The following LAS1L variants were observed in gnomAD, a reference collection of about 807,000 sequenced individuals.
The protein encoded by LAS1L is ribosomal biogenesis protein LAS1L.
In LAS1L, 5 loss-of-function variants were observed where a neutral mutation model predicts 57.3. The ratio of observed to expected loss-of-function variants is 0.09; its 90% CI spans 0.05 to 0.18. The LOEUF (loss-of-function observed/expected upper bound fraction) is 0.18, where lower values mean the gene tolerates loss of function less well. LAS1L is among the 10% of genes least tolerant of loss of function. The pLI, the probability that LAS1L is intolerant of heterozygous loss-of-function variation, is 1.00. For synonymous variants in LAS1L, 245 were observed against 231.7 expected (o/e 1.06, Z -0.52); for missense variants, 360 against 568.3 (o/e 0.63, Z 3.73).
At chrX:65,522,705 A>G (rs1172982904) in intron 11 of LAS1L, 6 of 111,996 alleles carry the variant, frequency 5.4e-5, no homozygotes, top group Admixed American at 1.9e-4. Context: ...ATGTCATGGG[A>G]TGCAAGGGTG....
chrX:65,521,418 G>A (rs1471285520), intron 11 of LAS1L: 7 of 252,225 alleles, frequency 2.8e-5, no homozygotes, highest in African/African-American at 6.0e-5. Context: ...GAAAAGCTTA[G>A]TCTGATAGAG....
chrX:65,518,117 ATCT>A lies in LAS1L; in HGVS notation c.1794_1796del (p.Glu598del). The A allele has an allele frequency of 8.4e-7, 1 of 1,192,441 alleles. No individual in the cohort carries two copies. The highest frequency in any genetic ancestry group is 1.1e-6 in the Non-Finnish European group (1 of 878,912). The stretch of plus-strand genomic sequence containing the variant: ...CCTCCATTCTGTCTTCCTCTTCATC[ATCT>A]TCATCATCTTCATCCTCCTCTTCCT... On this transcript the variant is annotated inframe_deletion, in exon 12 of 14. Coordinates refer to ENST00000374811, the MANE Select transcript of LAS1L (RefSeq NM_031206.7).
At chrX:65,517,796 G>C (rs1011276748) in intron 12 of LAS1L, among the ~76,000 whole-genome samples, 191 bp downstream of exon 12, 4 of 112,648 alleles carry the variant, frequency 3.6e-5, no homozygotes, top group Admixed American at 2.8e-4. Context: ...CCTGACAGTG[G>C]TCCCTGGCAC....
In LAS1L at chrX:65,517,884, T is replaced by C. The variant is rs1383190782; in HGVS notation, c.1927+103A>G. 5 of 1,093,460 alleles carry C rather than the reference T, an allele frequency of 4.6e-6. No individual in the cohort carries two copies. In the South Asian group the frequency reaches 7.4e-5, roughly 16 times the overall value. The allele number at this position is 1,093,460 out of a possible 1,213,427, so 90.1% of individuals were successfully genotyped here. A position where few individuals can be genotyped will look rare whatever the true frequency, so the allele number is the denominator to read the frequency against. On this transcript the variant is annotated intron_variant, in intron 12 of 13. Coordinates refer to ENST00000374811, the MANE Select transcript of LAS1L (RefSeq NM_031206.7). ...GGCTGCCTTCCAGGCTTGCCTCACA[T>C]TGGCTACCTCCTGCTACTTTCCATC... is the stretch of plus-strand genomic sequence containing the variant.
Position 65,517,731 on chromosome X carries a change from G to C in LAS1L, c.1927+256C>G, listed in dbSNP as rs761413750. Among the ~76,000 whole-genome samples, 7 of 112,341 alleles carry C rather than the reference G, an allele frequency of 6.2e-5. No homozygotes were observed. The South Asian group carries it at 2.2e-3, about 35-fold the overall frequency. The stretch of plus-strand genomic sequence containing the variant: ...CTTCTGCCTCTATGTTACTGCCCAG[G>C]GCTCACACCCATGTCATCCTCTCAG... On this transcript the variant is annotated intron_variant, in intron 12 of 13. Transcript: ENST00000374811.
chrX:65,518,960 T>C (rs1181257626), intron 11 of LAS1L: 2 of 751,720 alleles, frequency 2.7e-6, no homozygotes, highest in Admixed American at 8.7e-5. Context: ...GAACACAAAC[T>C]GTGATCCCTT....
In LAS1L at chrX:65,518,209, T is replaced by C. The variant is rs1006077682; in HGVS notation, c.1705A>G (p.Lys569Glu). ...GSVNDVKEEE[K>E]EEKEVLPDQV... Reference sequence around the variant, plus strand: ...TCTGGCAAGACCTCTTTCTCCTCCTTCTCCTCTTCCTTGACATCATTAACA... The same window carrying C: ...TCTGGCAAGACCTCTTTCTCCTCCTCCTCCTCTTCCTTGACATCATTAACA... Residue 569 changes from lysine to glutamate, a missense_variant, in exon 12 of 14, where the codon AAG becomes GAG. By Grantham distance (56) the Lys-to-Glu change is moderately conservative. Transcript: ENST00000374811. 1.7e-5 allele frequency: 20 copies of C among 1,209,564 alleles called. No homozygotes were observed. In the Admixed American group the frequency reaches 3.1e-4, roughly 18 times the overall value.
At chrX:65,523,798 T>TCCCCCCAGACTCCCCAC in intron 10 of LAS1L, 91 bp from the exon 11 acceptor site, 1 of 981,134 alleles carries the variant, frequency 1.0e-6, no homozygotes, top group Non-Finnish European at 1.4e-6. Context: ...TCCCTCCCCA[T>TCCCCCCAGACTCCCCAC]CCCCCCAGAC....
chrX:65,517,544 C>T (rs895860082), intron 12 of LAS1L, among the ~76,000 whole-genome samples: 1 of 111,531 alleles, frequency 9.0e-6, no homozygotes, highest in Non-Finnish European at 1.9e-5. Flanking sequence ...AGCCACCACG[C>T]CCGGTCTCCT....
intron 11 of LAS1L, chrX:65,520,701 C>T: frequency 4.0e-6 from 3 of 754,085 alleles, no homozygotes; most frequent in Non-Finnish European, 4.7e-6. Context: ...AGAAATCGTA[C>T]CCAAGTGAGC....
At chrX:65,518,519 T>A in intron 11 of LAS1L, 54 bp from the exon 12 acceptor site, 1 of 1,136,758 alleles carries the variant, frequency 8.8e-7, no homozygotes, top group Non-Finnish European at 1.2e-6. Context: ...AGCCACTTCA[T>A]ACCCCAACAC....
At chrX:65,520,339 A>G (rs1222694008) in intron 11 of LAS1L, 1 of 406,127 alleles carries the variant, frequency 2.5e-6, no homozygotes, top group African/African-American at 2.7e-5. Flanking sequence ...CAAATAGGGT[A>G]TAATATATAA....
At chrX:65,515,707 G>C (rs1330719619) in intron 12 of LAS1L, among the ~76,000 whole-genome samples, 1 of 110,279 alleles carries the variant, frequency 9.1e-6, no homozygotes. Flanking sequence ...ACATACACAA[G>C]TCCTTCACTC....
rs2068490161 is a variant in LAS1L at position 65,512,621 on chromosome X, A to G, written c.*154T>C. 1 of 646,211 alleles carries G rather than the reference A, an allele frequency of 1.5e-6. No homozygotes were observed. The highest frequency in any genetic ancestry group is 2.3e-6 in the Non-Finnish European group (1 of 442,566). The allele number at this position is 646,211 out of a possible 1,213,427, so 53.3% of individuals were successfully genotyped here. The stretch of plus-strand genomic sequence containing the variant: ...TATTATTTTTCAAAACAAAACAAAA[A>G]CAAAAGACATTCAAAATTCCCCTGT... On this transcript the variant is annotated 3_prime_UTR_variant, in exon 14 of 14. Transcript: ENST00000374811.
intron 13 of LAS1L, among the ~76,000 whole-genome samples, chrX:65,514,117 T>C (rs1342911745): frequency 8.9e-6 from 1 of 112,109 alleles, no homozygotes; most frequent in East Asian, 2.8e-4. Context: ...GGGGTTCCTC[T>C]CTAGTACTCA....
intron 7 of LAS1L, among the ~76,000 whole-genome samples, chrX:65,526,032 C>T (rs2069127411): frequency 9.0e-6 from 1 of 111,202 alleles, no homozygotes; most frequent in Non-Finnish European, 1.9e-5. Flanking sequence ...CTATTAGTTT[C>T]CGCAAGAGCT....
At chrX:65,525,432 G>C (rs1453475171) in intron 7 of LAS1L, among the ~76,000 whole-genome samples, 2 of 111,485 alleles carry the variant, frequency 1.8e-5, no homozygotes, top group Non-Finnish European at 3.8e-5. Flanking sequence ...TTTAGACTCA[G>C]TTCTTGCAGT....
intron 12 of LAS1L, among the ~76,000 whole-genome samples, chrX:65,516,127 C>A (rs1299519446): frequency 8.9e-6 from 1 of 111,769 alleles, no homozygotes. Context: ...ATGCCCCTGG[C>A]ATTCTATAAT....
intron 11 of LAS1L, chrX:65,520,401 C>T: frequency 1.4e-6 from 1 of 738,962 alleles, no homozygotes; most frequent in African/African-American, 2.3e-5. Flanking sequence ...TTAACCTCTA[C>T]AAAAAAACAC....
Sources: gnomAD v4.1 joint callset for allele counts (sites outside exome capture counted in the v4.1 genomes callset) on GRCh38, gnomAD v4.1.1 for gene constraint, MANE v1.5 for transcripts, NCBI Gene and HGNC (gene_info 2026-07-23, HGNC 2026-07-21) for gene names.